Variants in LGALS8 observed in about 807,000 individuals in gnomAD.
LGALS8 encodes galectin-8.
A neutral mutation model predicts 35.9 loss-of-function variants in LGALS8; 30 were observed. That is an observed-to-expected ratio of 0.83 (90% CI 0.62 to 1.13). The LOEUF (loss-of-function observed/expected upper bound fraction) is 1.13. Among genes scored for constraint, LGALS8 ranks in the 50% most tolerant of loss-of-function variants. The probability of loss-of-function intolerance (pLI) is 0.00; values close to 1 mark genes in which losing one functional copy is unlikely to be tolerated. For synonymous variants in LGALS8, 138 were observed against 136.1 expected (o/e 1.01, Z -0.10); for missense variants, 366 against 388.7 (o/e 0.94, Z 0.49).
At chr1:236,534,811 C>T (rs888193427) in intron 2 of LGALS8, among the ~76,000 whole-genome samples, 4 of 151,900 alleles carry the variant, frequency 2.6e-5, no homozygotes, top group South Asian at 2.1e-4. Context: ...CATTACCTCC[C>T]AAAGCAACCC....
intron 7 of LGALS8, 168 bp downstream of exon 7, chr1:236,542,955 G>C (rs1662105026): frequency 6.2e-7 from 1 of 1,614,050 alleles, no homozygotes; most frequent in Non-Finnish European, 8.5e-7. Context: ...ATCGCACCCA[G>C]AACTGTCTAC....
Position 236,552,932 on chromosome 1 carries a change from G to A in LGALS8, c.*4771G>A, listed in dbSNP as rs1484886944. On this transcript the variant is annotated 3_prime_UTR_variant, in exon 10 of 10. Coordinates refer to ENST00000366584, the MANE Select transcript of LGALS8 (RefSeq NM_201544.4). ...GGGGGTTCATCATAATAGTCTCATT[G>A]TTAGCATATCCTAATAAAGAATTTG... 6.6e-6 allele frequency: 1 copy of A among 152,180 alleles called. No individual in the cohort carries two copies. The highest frequency in any genetic ancestry group is 2.4e-5 in the African/African-American group (1 of 41,438). 9.4% of individuals were successfully genotyped at this position (152,180 alleles called of 1,614,324 possible).
intron 9 of LGALS8, among the ~76,000 whole-genome samples, chr1:236,547,668 G>C (rs921102692): frequency 4.2e-5 from 4 of 96,184 alleles, no homozygotes; most frequent in Admixed American, 2.9e-4. Context: ...AGAGTCCCCA[G>C]CATCGGCGAG....
chr1:236,546,638 A>T (rs1662380713), intron 9 of LGALS8, among the ~76,000 whole-genome samples: 1 of 152,204 alleles, frequency 6.6e-6, no homozygotes, highest in South Asian at 2.1e-4. Context: ...CATTTGCAGT[A>T]GTCTGCTCAC....
At chr1:236,524,217 G>C (rs562748383) in intron 1 of LGALS8, 156 bp downstream of exon 1, 290 of 456,370 alleles carry the variant, frequency 6.4e-4, no homozygotes, top group Non-Finnish European at 1.2e-3. Context: ...CGACCCGCCG[G>C]TCCTCACCGC....
intron 2 of LGALS8, chr1:236,536,319 A>G (rs1661500253): frequency 6.6e-6 from 1 of 152,198 alleles, no homozygotes; most frequent in South Asian, 2.1e-4. Flanking sequence ...GATGCTCTAG[A>G]TGGAGGCAGA....
chr1:236,539,593 GTA>G (rs1267193837), intron 4 of LGALS8, among the ~76,000 whole-genome samples: 4 of 138,694 alleles, frequency 2.9e-5, no homozygotes, highest in African/African-American at 5.2e-5. Context: ...TACCTAGCGT[GTA>G]TGTGTACGGT....
At chr1:236,522,353 C>G (rs745553533), upstream of LGALS8, among the ~76,000 whole-genome samples, 6 of 152,124 alleles carry the variant, frequency 3.9e-5, no homozygotes, top group African/African-American at 7.2e-5. Flanking sequence ...CCTGTAATTT[C>G]AGCATTGTGG....
intron 2 of LGALS8, among the ~76,000 whole-genome samples, chr1:236,534,975 C>T (rs1033384823): frequency 1.7e-4 from 15 of 86,118 alleles, no homozygotes; most frequent in Admixed American, 1.2e-3. Context: ...GCAGGAGAAT[C>T]GCTTGAACCC....
upstream of LGALS8, among the ~76,000 whole-genome samples, chr1:236,521,955 G>A (rs137989096): frequency 2.5e-3 from 379 of 152,298 alleles, 1 homozygote; most frequent in South Asian, 4.3e-3. Flanking sequence ...TAGGGAGACC[G>A]ATTAGGATAC....
chr1:236,535,189 T>C (rs1337304792), intron 2 of LGALS8, among the ~76,000 whole-genome samples: 1 of 151,978 alleles, frequency 6.6e-6, no homozygotes, highest in Non-Finnish European at 1.5e-5. Flanking sequence ...ATGCTTATTA[T>C]AGACATCTGC....
chr1:236,527,860 T>G (rs1483199749), intron 2 of LGALS8, among the ~76,000 whole-genome samples: 2 of 152,016 alleles, frequency 1.3e-5, no homozygotes, highest in Non-Finnish European at 2.9e-5. Flanking sequence ...CTCAGCCTCC[T>G]GAGTAGCTGG....
At chr1:236,540,995 G>GT (rs1661953271) in intron 5 of LGALS8, among the ~76,000 whole-genome samples, 1 of 152,190 alleles carries the variant, frequency 6.6e-6, no homozygotes, top group Admixed American at 6.5e-5. Flanking sequence ...GGCTGGGAGT[G>GT]CCTGAGTCAA....
chr1:236,551,941 A>C lies in LGALS8; in HGVS notation c.*3780A>C. 1 of 1,177,768 alleles carries C rather than the reference A, an allele frequency of 8.5e-7. No homozygotes were observed. The allele number at this position is 1,177,768 out of a possible 1,614,324, so 73.0% of individuals were successfully genotyped here. ...GCATTATCATTGGGCACATTTTCAC[A>C]GAATTTTACTGAATTATTCCTTAAT... On this transcript the variant is annotated 3_prime_UTR_variant, in exon 10 of 10. Coordinates refer to ENST00000366584, the MANE Select transcript of LGALS8 (RefSeq NM_201544.4).
intron 9 of LGALS8, among the ~76,000 whole-genome samples, chr1:236,547,523 G>A (rs1234898260): frequency 6.7e-6 from 1 of 148,312 alleles, no homozygotes; most frequent in Non-Finnish European, 1.5e-5. Context: ...TTAATTGTCT[G>A]GTTTGTTCAT....
At chr1:236,542,502 T>C (rs980087534) in intron 6 of LGALS8, 5 of 536,498 alleles carry the variant, frequency 9.3e-6, no homozygotes, top group East Asian at 3.1e-5. Context: ...CATATAGTTC[T>C]ATGAAAAATT....
upstream of LGALS8, among the ~76,000 whole-genome samples, chr1:236,518,691 CG>C (rs1660470215): frequency 6.6e-6 from 1 of 151,940 alleles, no homozygotes; most frequent in Admixed American, 6.6e-5. Context: ...GGTTCTGTGA[CG>C]GAGTTCTGGT....
At chr1:236,539,839 AAC>A (rs1480540061) in intron 4 of LGALS8, among the ~76,000 whole-genome samples, 3 of 152,068 alleles carry the variant, frequency 2.0e-5, no homozygotes, top group Non-Finnish European at 4.4e-5. Context: ...CACAGTTTTT[AAC>A]AGTTGTGCTT....
chr1:236,548,117 G>C lies in LGALS8; in HGVS notation c.910G>C (p.Glu304Gln), dbSNP rs753332894. The C allele has an allele frequency of 6.2e-7, 1 of 1,614,040 alleles. No homozygotes were observed. The highest frequency in any genetic ancestry group is 8.5e-7 in the Non-Finnish European group (1 of 1,179,904). The change falls in exon 10 of 10, where the codon GAA becomes CAA. Residue 304 changes from glutamate (E) to glutamine (Q), a missense_variant. Physicochemically the swap from Glu to Gln is conservative, Grantham distance 29. Coordinates refer to ENST00000366584, the MANE Select transcript of LGALS8 (RefSeq NM_201544.4). ...FKELSSIDTL[E>Q]INGDIHLLEV... ...AGAGCTCAGCAGTATTGACACGCTG[G>C]AAATTAATGGAGACATCCACTTACT...
Sources: allele counts gnomAD v4.1 joint callset (sites outside exome capture counted in the v4.1 genomes callset), GRCh38; gene constraint gnomAD v4.1.1; transcripts MANE v1.5; gene names NCBI Gene and HGNC (gene_info 2026-07-23, HGNC 2026-07-21).